Variants in ADARB2 observed in about 807,000 individuals in gnomAD.
The protein encoded by ADARB2 is adenosine deaminase RNA specific B2 (inactive), also known as inactive double-stranded RNA-specific editase B2.
A neutral mutation model predicts 62.2 loss-of-function variants in ADARB2; 25 were observed. The ratio of observed to expected loss-of-function variants is 0.40; its 90% CI spans 0.29 to 0.56. The LOEUF is 0.56. ADARB2 is among the 20% of genes least tolerant of loss of function. The probability of loss-of-function intolerance (pLI) is 0.43; values close to 1 mark genes in which losing one functional copy is unlikely to be tolerated. For missense variants in ADARB2, 1,071 were observed against 1,077.4 expected, an observed-to-expected ratio of 0.99 and a Z score of 0.08; for synonymous variants, 572 against 500.8, an observed-to-expected ratio of 1.14 and a Z score of -1.90.
rs185559549 is a variant in ADARB2, at chr10:1,271,924, G to C, written c.1078-855C>G. On this transcript the variant is annotated intron_variant, in intron 3 of 9. Transcript: ENST00000381312. ...TTCTGCCACTCAGGAGCCTGGGTGA[G>C]TCGTTAACTCCTCGGAGCCCATTTT... 1.8e-3 allele frequency among the ~76,000 whole-genome samples: 273 copies of C among 152,352 alleles called. 2 individuals carry two copies. The highest frequency in any genetic ancestry group is 3.1e-3 in the South Asian group (15 of 4,830).
Position 1,737,146 on chromosome 10 carries a change from G to A in ADARB2, c.5C>T (p.Ala2Val). 5 of 1,607,614 alleles carry A rather than the reference G, an allele frequency of 3.1e-6. No homozygotes were observed. The highest frequency in any genetic ancestry group is 2.2e-5 in the East Asian group (1 of 44,862). Residue 2 changes from alanine (A) to valine (V), a missense_variant, in exon 1 of 10, where the codon GCC (alanine) becomes GTC (valine). Coordinates refer to ENST00000381312, the MANE Select transcript of ADARB2 (RefSeq NM_018702.4). ...CCCTCTGCCGCTCCCCAGGACCGAG[G>A]CCATGGCCGAGACCCAGGCGCGGAG... MASVLGSGRGSG... is the reference protein window; with the variant it reads MVSVLGSGRGSG...
At chr10:1,642,386 CT>C (rs770225845) in intron 1 of ADARB2, among the ~76,000 whole-genome samples, 7 of 152,176 alleles carry the variant, frequency 4.6e-5, no homozygotes, top group Non-Finnish European at 7.3e-5. Flanking sequence ...TTCAGTTCCC[CT>C]ATCTTCCTGG....
intron 1 of ADARB2, among the ~76,000 whole-genome samples, chr10:1,421,410 T>C (rs1832852069): frequency 6.6e-6 from 1 of 151,948 alleles, no homozygotes; most frequent in African/African-American, 2.4e-5. Context: ...CTAAATCTTT[T>C]TGGGTAACAA....
chr10:1,246,055 T>C (rs1349987331), intron 4 of ADARB2, among the ~76,000 whole-genome samples: 1 of 151,732 alleles, frequency 6.6e-6, no homozygotes, highest in Non-Finnish European at 1.5e-5. Flanking sequence ...TGGTATCTCA[T>C]TGTGGTTTTG....
At chr10:1,502,412 TCA>T (rs1045718986) in intron 1 of ADARB2, among the ~76,000 whole-genome samples, 2 of 152,242 alleles carry the variant, frequency 1.3e-5, no homozygotes, top group African/African-American at 4.8e-5. Context: ...CCTTGGTCTC[TCA>T]AAAGCAATAA....
intron 2 of ADARB2, among the ~76,000 whole-genome samples, chr10:1,366,844 G>C (rs1370805336): frequency 6.6e-6 from 1 of 152,232 alleles, no homozygotes; most frequent in Admixed American, 6.5e-5. Context: ...TCACTCATTG[G>C]CTTTGTCCGT....
chr10:1,676,247 A>T (rs1834465301), intron 1 of ADARB2, among the ~76,000 whole-genome samples: 1 of 152,272 alleles, frequency 6.6e-6, no homozygotes, highest in African/African-American at 2.4e-5. Context: ...CTGTTTTCTC[A>T]GATCTGTCCA....
intron 1 of ADARB2, among the ~76,000 whole-genome samples, chr10:1,491,599 T>A (rs989905827): frequency 3.9e-5 from 6 of 152,100 alleles, no homozygotes; most frequent in Non-Finnish European, 7.4e-5. Flanking sequence ...TTTGTGGAAA[T>A]TAAAAATGGA....
At chr10:1,420,955 C>G (rs752943922) in intron 1 of ADARB2, among the ~76,000 whole-genome samples, 20 of 152,022 alleles carry the variant, frequency 1.3e-4, no homozygotes, top group African/African-American at 1.9e-4. Flanking sequence ...GCCTGCCCTG[C>G]GCCGCTCGGT....
At chr10:1,374,724 G>GCTA (rs1389766654) in intron 2 of ADARB2, among the ~76,000 whole-genome samples, 8 of 152,200 alleles carry the variant, frequency 5.3e-5, no homozygotes, top group Non-Finnish European at 1.2e-4. Context: ...CTTCCCCTGT[G>GCTA]CGGTATCATT....
intron 1 of ADARB2, among the ~76,000 whole-genome samples, chr10:1,510,110 C>CTCTTTCCTTCTT (rs1831908837): frequency 9.4e-6 from 1 of 106,184 alleles, no homozygotes; most frequent in African/African-American, 3.6e-5. Flanking sequence ...CTTTCTTTCT[C>CTCTTTCCTTCTT]TCTTTCTTTC....
intron 1 of ADARB2, among the ~76,000 whole-genome samples, chr10:1,506,331 G>T (rs1263683898): frequency 6.6e-6 from 1 of 152,134 alleles, no homozygotes; most frequent in Admixed American, 6.5e-5. Context: ...ATTTATGGGG[G>T]GGAAATGCTG....
chr10:1,689,775 G>A (rs1028478886), intron 1 of ADARB2, among the ~76,000 whole-genome samples: 2 of 152,208 alleles, frequency 1.3e-5, no homozygotes, highest in Admixed American at 1.3e-4. Context: ...GCAAATATAT[G>A]AGCCATTTGC....
At chr10:1,505,699 C>T (rs902754054) in intron 1 of ADARB2, among the ~76,000 whole-genome samples, 9 of 114,854 alleles carry the variant, frequency 7.8e-5, no homozygotes, top group African/African-American at 1.1e-4. Context: ...CCGTCCCCAC[C>T]GTGGCAGCCG....
intron 4 of ADARB2, among the ~76,000 whole-genome samples, chr10:1,253,185 G>A (rs1478726741): frequency 1.3e-5 from 2 of 152,278 alleles, no homozygotes; most frequent in South Asian, 2.1e-4. Context: ...CAAAAATGCC[G>A]CCATCTTTAG....
intron 4 of ADARB2, among the ~76,000 whole-genome samples, chr10:1,266,779 T>C (rs1831208799): frequency 6.6e-6 from 1 of 152,002 alleles, no homozygotes; most frequent in Non-Finnish European, 1.5e-5. Flanking sequence ...GGCCAGGGCG[T>C]CTCCTCAGAG....
At chr10:1,696,624 C>T (rs1834749508) in intron 1 of ADARB2, among the ~76,000 whole-genome samples, 1 of 152,188 alleles carries the variant, frequency 6.6e-6, no homozygotes, top group Non-Finnish European at 1.5e-5. Context: ...TCCCAGTGTC[C>T]AGCGGACCTG....
chr10:1,658,689 G>A (rs969759916), intron 1 of ADARB2, among the ~76,000 whole-genome samples: 2 of 152,206 alleles, frequency 1.3e-5, no homozygotes, highest in Admixed American at 6.5e-5. Flanking sequence ...TCTCCTTGGC[G>A]ATGAGGTCTA....
rs1013257042 is a variant in ADARB2 at position 1,704,481 on chromosome 10, C to T, written c.100+32570G>A. On this transcript the variant is annotated intron_variant, in intron 1 of 9. Coordinates refer to ENST00000381312, the MANE Select transcript of ADARB2 (RefSeq NM_018702.4). The surrounding 1 kb of genome is among the most constrained non-coding windows in gnomAD (Gnocchi z 5.6). ...TCCCCACTCCTATAGGAATCTAATG[C>T]CACTGTGACCTGACAGAAGGCAGAG... Among the ~76,000 whole-genome samples the T allele has an allele frequency of 2.6e-5, 4 of 152,108 alleles. No individual in the cohort carries two copies. Among genetic ancestry groups the T allele is most frequent in the East Asian group, 1.9e-4 (1 of 5,194 alleles).
Sources: gnomAD v4.1 joint callset for allele counts (sites outside exome capture counted in the v4.1 genomes callset) on GRCh38, gnomAD v4.1.1 for gene constraint, Gnocchi (gnomAD v3.1) non-coding constraint, MANE v1.5 for transcripts, NCBI Gene and HGNC (gene_info 2026-07-23, HGNC 2026-07-21) for gene names.